Variants in TEP1 observed in about 807,000 individuals in gnomAD.
TEP1 encodes telomerase associated protein 1, also known as telomerase protein component 1.
TEP1 carries 241 observed loss-of-function variants against 306.3 expected under a neutral mutation model. The ratio of observed to expected loss-of-function variants is 0.79; its 90% CI spans 0.71 to 0.88. The LOEUF is 0.88. Among genes scored for constraint, TEP1 ranks in the 40% least tolerant of loss-of-function variants. The pLI is 0.00. For missense variants in TEP1, 3,051 were observed against 3,276.1 expected (o/e 0.93, Z 1.68); for synonymous variants, 1,289 against 1,305.5 (o/e 0.99, Z 0.27).
At chr14:20,369,010 C>CTT (rs754858941) in intron 53 of TEP1, 108 bp from the exon 54 acceptor site, 181 of 660,954 alleles carry the variant, frequency 2.7e-4, no homozygotes, top group Middle Eastern at 4.0e-4. Context: ...CTTAGTATTT[C>CTT]TTTTTTTTTT....
Position 20,388,024 on chromosome 14 carries a change from A to T in TEP1, c.2565T>A (p.His855Gln), listed in dbSNP as rs776405130. Residue 855 changes from histidine to glutamine, a missense_variant, in exon 18 of 55, where the codon CAT becomes CAA. Around this residue, in one of 3 missense-constraint regions of TEP1, gnomAD observed 1,507 missense variants for 1,550.5 expected, o/e 0.97. Transcript: ENST00000262715. ...AEHGASHLLE[H>Q]VGQMDKIFKI... ...TGAATATTTTGTCCATTTGGCCCAC[A>T]TGTTCCAGAAGATGGGAGGCCCCAT... 6.2e-7 allele frequency: 1 copy of T among 1,614,148 alleles called. No individual in the cohort carries two copies. Among genetic ancestry groups the T allele is most frequent in the Non-Finnish European group, 8.5e-7 (1 of 1,180,028 alleles).
chr14:20,376,854 C>T (rs988797298), intron 41 of TEP1, among the ~76,000 whole-genome samples: 4 of 152,152 alleles, frequency 2.6e-5, no homozygotes, highest in Admixed American at 1.3e-4. Context: ...AAAACAAAAT[C>T]GCACATGTGT....
At chr14:20,396,041 C>A in intron 10 of TEP1, 92 bp from the exon 11 acceptor site, 1 of 832,288 alleles carries the variant, frequency 1.2e-6, no homozygotes, top group Non-Finnish European at 1.9e-6. Context: ...TGGGAAGGTA[C>A]AGAAGGACAA....
intron 2 of TEP1, among the ~76,000 whole-genome samples, chr14:20,407,429 C>T (rs1879262856): frequency 6.6e-6 from 1 of 152,158 alleles, no homozygotes; most frequent in Admixed American, 6.5e-5. Context: ...CACAATCTCG[C>T]CTCCCGGTTT....
rs777161740 is a variant in TEP1 at position 20,384,985 on chromosome 14, C to G, written c.3107G>C (p.Ser1036Thr). 4 of 1,614,218 alleles carry G rather than the reference C, an allele frequency of 2.5e-6. No individual in the cohort carries two copies. Among genetic ancestry groups the G allele is most frequent in the Non-Finnish European group, 3.4e-6 (4 of 1,180,036 alleles). ...LIYFRDSSFL[S>T]SVPDAWKSDF... ...CCAGCCTGCAGGCAACAGACAGTACCTGAGGAAGCTGGAATCCCGGAAGTA... is the reference window on the plus strand; with the variant it reads ...CCAGCCTGCAGGCAACAGACAGTACGTGAGGAAGCTGGAATCCCGGAAGTA... Residue 1036 changes from serine to threonine, a missense_variant and splice_region_variant, in exon 21 of 55, where the codon AGC becomes ACC. Ser to Thr is a moderately conservative substitution (Grantham distance 58). This residue lies in a region of TEP1 where 1,507 missense variants were observed against 1,550.5 expected (regional missense o/e 0.97). Transcript: ENST00000262715.
In TEP1 at chr14:20,383,734, G is replaced by T. The variant is rs529292418; in HGVS notation, c.3710+9C>A. On this transcript the variant is annotated intron_variant, in intron 25 of 54. Coordinates refer to ENST00000262715, the MANE Select transcript of TEP1 (RefSeq NM_007110.5). ...ATCAACAAGGCTGGGCTCATTGGGGGATACCCACCGGTAGGTGCTGGGGAG... is the reference window on the plus strand; with the variant it reads ...ATCAACAAGGCTGGGCTCATTGGGGTATACCCACCGGTAGGTGCTGGGGAG... 6.2e-7 allele frequency: 1 copy of T among 1,610,466 alleles called. No homozygotes were observed. Among genetic ancestry groups the T allele is most frequent in the Non-Finnish European group, 8.5e-7 (1 of 1,178,568 alleles).
intron 51 of TEP1, among the ~76,000 whole-genome samples, chr14:20,370,893 C>T (rs1385713244): frequency 6.6e-6 from 1 of 152,186 alleles, no homozygotes; most frequent in Non-Finnish European, 1.5e-5. Flanking sequence ...ATGACAAAAA[C>T]AAGATGGAGT....
At position 20,388,011 on chromosome 14, in the gene TEP1, C is replaced by T. The variant is rs753627741; in HGVS notation, c.2578G>A (p.Asp860Asn). 7 of 1,614,010 alleles carry T rather than the reference C, an allele frequency of 4.3e-6. No individual in the cohort carries two copies. Among genetic ancestry groups the T allele is most frequent in the Non-Finnish European group, 5.9e-6 (7 of 1,180,028 alleles). The change falls in exon 18 of 55, where the codon GAC becomes AAC. Residue 860 changes from aspartate (D) to asparagine (N), a missense_variant. Coordinates refer to ENST00000262715, the MANE Select transcript of TEP1 (RefSeq NM_007110.5). ...SHLLEHVGQM[D>N]KIFKIPPPPG... ...GGTGGTGGAATCTTGAATATTTTGT[C>T]CATTTGGCCCACATGTTCCAGAAGA... is the stretch of plus-strand genomic sequence containing the variant.
intron 12 of TEP1, among the ~76,000 whole-genome samples, chr14:20,394,995 G>A (rs964238360): frequency 1.3e-5 from 2 of 151,956 alleles, no homozygotes; most frequent in Non-Finnish European, 2.9e-5. Flanking sequence ...GCCTGCTGAT[G>A]GTAACTATCT....
At chr14:20,411,273 T>G (rs1225366431) in intron 1 of TEP1, among the ~76,000 whole-genome samples, 3 of 152,222 alleles carry the variant, frequency 2.0e-5, no homozygotes, top group Non-Finnish European at 4.4e-5. Context: ...CTCAGCACTC[T>G]AAGCTTCAAT....
chr14:20,401,183 C>T (rs767839931), intron 8 of TEP1, 42 bp from the exon 9 acceptor site: 11 of 1,603,362 alleles, frequency 6.9e-6, no homozygotes, highest in African/African-American at 1.3e-5. Flanking sequence ...TCAGAGTCAG[C>T]AAGAAAATAA....
intron 37 of TEP1, 88 bp from the exon 38 acceptor site, chr14:20,378,623 T>C (rs1055379494): frequency 2.1e-5 from 34 of 1,593,892 alleles, no homozygotes; most frequent in Non-Finnish European, 2.6e-5. Flanking sequence ...CTTGTCCAGT[T>C]ACCCTGCCCT....
chr14:20,391,489 T>C, intron 13 of TEP1, 110 bp downstream of exon 13: 1 of 1,257,832 alleles, frequency 8.0e-7, no homozygotes, highest in Non-Finnish European at 1.1e-6. Flanking sequence ...TATCATTTAT[T>C]TCAGTCTGAG....
rs756710868 is a variant in TEP1 at position 20,382,328 on chromosome 14, G to A, written c.4169C>T (p.Ala1390Val). 9.3e-6 allele frequency: 15 copies of A among 1,612,890 alleles called. No individual in the cohort carries two copies. Among genetic ancestry groups the A allele is most frequent in the Non-Finnish European group, 1.3e-5 (15 of 1,179,424 alleles). ...GTGCTGCAGCAGCAGGGGGACAGTGGCAGGCAGGGTCCGGAGTCTCTCAGA... is the reference window on the plus strand; with the variant it reads ...GTGCTGCAGCAGCAGGGGGACAGTGACAGGCAGGGTCCGGAGTCTCTCAGA... ...QVSERLRTLPATVPLLLQHIL... is the reference protein window; with the variant it reads ...QVSERLRTLPVTVPLLLQHIL... The change falls in exon 29 of 55, where the codon GCC becomes GTC. Residue 1390 changes from alanine to valine, a missense_variant. This residue lies in a region of TEP1 where 1,540 missense variants were observed against 1,705.9 expected (regional missense o/e 0.90). Transcript: ENST00000262715.
chr14:20,386,305 G>T (rs1877142509), intron 19 of TEP1, 110 bp from the exon 20 acceptor site: 4 of 1,593,644 alleles, frequency 2.5e-6, no homozygotes, highest in Non-Finnish European at 3.4e-6. Flanking sequence ...TAAAGAAAAG[G>T]TAGGCTGCTC....
chr14:20,409,837 A>T (rs377075421), intron 1 of TEP1, among the ~76,000 whole-genome samples: 1 of 151,802 alleles, frequency 6.6e-6, no homozygotes, highest in African/African-American at 2.4e-5. Context: ...TGGCTAACAC[A>T]GTGAAACCCC....
At chr14:20,401,177 A>G in intron 8 of TEP1, 36 bp from the exon 9 acceptor site, 1 of 1,608,208 alleles carries the variant, frequency 6.2e-7, no homozygotes, top group Non-Finnish European at 8.5e-7. Context: ...ATCATTTCAG[A>G]GTCAGCAAGA....
At position 20,378,757 on chromosome 14, in the gene TEP1, T is replaced by G; in HGVS notation, c.5349A>C (p.Leu1783=). 1 of 1,614,150 alleles carries G rather than the reference T, an allele frequency of 6.2e-7. No homozygotes were observed. The highest frequency in any genetic ancestry group is 1.7e-4 in the Middle Eastern group (1 of 6,056). ...LLATVCLGGC[L]KLWDTVRGQL... ...CACTGCAGACCCCAAGTCTTACCTT[T>G]AGGCATCCTCCCAAGCACACGGTGG... The change falls in exon 37 of 55, where the codon CTA becomes CTC. Residue 1783 remains leucine (L), a synonymous_variant. Transcript: ENST00000262715.
At chr14:20,373,653 G>C (rs886087594) in intron 45 of TEP1, 25 bp downstream of exon 45, 25 of 1,614,112 alleles carry the variant, frequency 1.5e-5, no homozygotes, top group Non-Finnish European at 2.1e-5. Flanking sequence ...CAGCAGGGAA[G>C]GGGAGGTGGC....
Sources: allele counts gnomAD v4.1 joint callset (sites outside exome capture counted in the v4.1 genomes callset), GRCh38; gene constraint gnomAD v4.1.1; regional missense constraint gnomAD v4.1.1; transcripts MANE v1.5; gene names NCBI Gene and HGNC (gene_info 2026-07-23, HGNC 2026-07-21).